The following TOPAZ1 variants were observed in gnomAD, a reference collection of about 807,000 sequenced individuals.
TOPAZ1 encodes the protein testis and ovary specific TOPAZ 1, also known as protein TOPAZ1.
In TOPAZ1, 66 loss-of-function variants were observed where a neutral mutation model predicts 172.2. The observed-to-expected ratio is 0.38, with a 90% CI of 0.31 to 0.47. The LOEUF (loss-of-function observed/expected upper bound fraction) is 0.47, where lower values mean the gene tolerates loss of function less well. Ranked by LOEUF, TOPAZ1 falls within the 20% of genes least tolerant of loss-of-function variation. TOPAZ1 has a pLI of 0.99. For synonymous variants in TOPAZ1, 681 were observed against 683.9 expected, an observed-to-expected ratio of 1.00 and a Z score of 0.07; for missense variants, 1,822 against 1,972.4, an observed-to-expected ratio of 0.92 and a Z score of 1.44.
At chr3:44,255,148 A>G (rs2125679864) in intron 3 of TOPAZ1, 119 bp downstream of exon 3, 2 of 622,548 alleles carry the variant, frequency 3.2e-6, no homozygotes, top group South Asian at 2.5e-5. Context: ...TCTGTTGACC[A>G]TATGTTTTAT....
intron 2 of TOPAZ1, among the ~76,000 whole-genome samples, chr3:44,251,702 G>A (rs1699633686): frequency 6.6e-6 from 1 of 152,096 alleles, no homozygotes; most frequent in Non-Finnish European, 1.5e-5. Flanking sequence ...AAGTGCTCTG[G>A]TAGAGAATAA....
chr3:44,256,192 T>C lies in TOPAZ1; in HGVS notation c.2869T>C (p.Leu957=). 2 of 1,530,506 alleles carry C rather than the reference T, an allele frequency of 1.3e-6. No homozygotes were observed. The highest frequency in any genetic ancestry group is 1.8e-6 in the Non-Finnish European group (2 of 1,140,528). 94.8% of individuals were successfully genotyped at this position (1,530,506 alleles called of 1,614,324 possible). A position where few individuals can be genotyped will look rare whatever the true frequency, so the allele number is the denominator to read the frequency against. ...KRDPKDVNTS[L]GEVANETSEN... ...TGATCCCAAAGATGTAAACACTTCC[T>C]TAGGAGAAGTTGCTAATGAGACCTC... The change falls in exon 4 of 20, where the codon TTA becomes CTA. Residue 957 remains leucine, a synonymous_variant. Transcript: ENST00000309765.
chr3:44,262,177 G>A lies in TOPAZ1; in HGVS notation c.2956-242G>A, dbSNP rs183568808. 4.1e-3 allele frequency among the ~76,000 whole-genome samples: 631 copies of A among 152,178 alleles called. 10 individuals carry two copies. Among genetic ancestry groups the A allele is most frequent in the African/African-American group, 0.015 (603 of 41,516 alleles). ...AATAGCAACTTGGGTAATTAAAGGG[G>A]ATATCAAAACCTGGACAAATATTTT... On this transcript the variant is annotated intron_variant, in intron 4 of 19. Coordinates refer to ENST00000309765, the MANE Select transcript of TOPAZ1 (RefSeq NM_001145030.2).
At chr3:44,298,451 C>T (rs1178715464) in intron 12 of TOPAZ1, among the ~76,000 whole-genome samples, 1 of 151,984 alleles carries the variant, frequency 6.6e-6, no homozygotes. Context: ...GATAGAGACC[C>T]TGTCTCAAAA....
chr3:44,276,557 CT>C (rs1699959649), intron 8 of TOPAZ1, among the ~76,000 whole-genome samples: 2 of 134,644 alleles, frequency 1.5e-5, no homozygotes. Flanking sequence ...CAATACCATG[CT>C]TTTTTGTTTA....
chr3:44,284,939 A>C (rs1341831590), intron 9 of TOPAZ1, among the ~76,000 whole-genome samples: 1 of 152,236 alleles, frequency 6.6e-6, no homozygotes, highest in Admixed American at 6.5e-5. Context: ...TAGATTTACC[A>C]CTGGTAATAT....
chr3:44,263,555 G>A (rs1229438563), intron 5 of TOPAZ1, among the ~76,000 whole-genome samples: 1 of 152,146 alleles, frequency 6.6e-6, no homozygotes, highest in Non-Finnish European at 1.5e-5. Flanking sequence ...TACATAGTAA[G>A]TGACATCCCA....
intron 4 of TOPAZ1, among the ~76,000 whole-genome samples, chr3:44,257,664 T>G (rs1302892135): frequency 6.6e-6 from 1 of 151,862 alleles, no homozygotes; most frequent in African/African-American, 2.4e-5. Flanking sequence ...GAAATAGAGA[T>G]TCACAGGAAG....
chr3:44,315,073 A>C (rs1263413842), intron 16 of TOPAZ1, among the ~76,000 whole-genome samples: 1 of 151,964 alleles, frequency 6.6e-6, no homozygotes, highest in Non-Finnish European at 1.5e-5. Flanking sequence ...GGTACCTGGC[A>C]CAGAGTAAAT....
rs1423443512 is a variant in TOPAZ1, at chr3:44,321,037, G to T, written c.4317G>T (p.Trp1439Cys). Residue 1439 changes from tryptophan (W) to cysteine (C), a missense_variant, in exon 17 of 20, where the codon TGG becomes TGT. By Grantham distance (215) the Trp-to-Cys change is radical. Coordinates refer to ENST00000309765, the MANE Select transcript of TOPAZ1 (RefSeq NM_001145030.2). The part of the protein sequence containing the change: ...GAIWVMRESE[W>C]IINTPLWPCD... ...TTTTCTTTTTGGAAGAGTCAGAGTGGATAATCAATACGCCTCTGTGGCCTT... is the reference window on the plus strand; with the variant it reads ...TTTTCTTTTTGGAAGAGTCAGAGTGTATAATCAATACGCCTCTGTGGCCTT... 1 of 1,546,166 alleles carries T rather than the reference G, an allele frequency of 6.5e-7. No individual in the cohort carries two copies.
intron 17 of TOPAZ1, among the ~76,000 whole-genome samples, 158 bp downstream of exon 17, chr3:44,321,349 A>G (rs1044933567): frequency 6.6e-6 from 1 of 152,220 alleles, no homozygotes; most frequent in Non-Finnish European, 1.5e-5. Flanking sequence ...CAAATTGAAT[A>G]TACTTTCCTG....
rs368959657 is a variant in TOPAZ1 at position 44,311,133 on chromosome 3, ATATT to A, written c.4306+1144_4306+1147del. ...CACACAAACACTAGCACATATATAT[ATATT>A]CATATACATGTGATTCATATATGGG... On this transcript the variant is annotated intron_variant, in intron 16 of 19. Coordinates refer to ENST00000309765, the MANE Select transcript of TOPAZ1 (RefSeq NM_001145030.2). Among the ~76,000 whole-genome samples the A allele has an allele frequency of 1.6e-4, 25 of 152,246 alleles. No individual in the cohort carries two copies. In the East Asian group the frequency reaches 4.1e-3, roughly 25 times the overall value.
intron 13 of TOPAZ1, 113 bp downstream of exon 13, chr3:44,304,194 A>C (rs73088474): frequency 0.015 from 8,301 of 567,942 alleles, 106 homozygotes; most frequent in Non-Finnish European, 0.016. Context: ...TGTGGCTGTT[A>C]TACAGAGAAA....
At chr3:44,300,210 A>G (rs1575727629) in intron 12 of TOPAZ1, among the ~76,000 whole-genome samples, 2 of 152,118 alleles carry the variant, frequency 1.3e-5, no homozygotes, top group African/African-American at 2.4e-5. Flanking sequence ...AGGTGGGCAG[A>G]TCACTTGAGG....
intron 6 of TOPAZ1, among the ~76,000 whole-genome samples, chr3:44,268,510 A>G (rs892498276): frequency 6.6e-6 from 1 of 150,572 alleles, no homozygotes; most frequent in Middle Eastern, 3.5e-3. Flanking sequence ...AGTAGCTGGG[A>G]TTACAGGCAC....
chr3:44,331,670 T>C (rs896093505), intron 19 of TOPAZ1, 122 bp from the exon 20 acceptor site: 7 of 861,648 alleles, frequency 8.1e-6, no homozygotes, highest in Non-Finnish European at 1.1e-5. Flanking sequence ...AAAGCCACTT[T>C]TAGAAGAACA....
intron 19 of TOPAZ1, 49 bp downstream of exon 19, chr3:44,328,482 C>T (rs566240148): frequency 9.9e-7 from 1 of 1,014,400 alleles, no homozygotes; most frequent in Non-Finnish European, 1.4e-6. Context: ...TCATGACTCC[C>T]CACACCCACC....
At chr3:44,305,444 ACC>A (rs1700325848) in intron 14 of TOPAZ1, 123 bp downstream of exon 14, 2 of 753,802 alleles carry the variant, frequency 2.7e-6, no homozygotes, top group African/African-American at 3.7e-5. Context: ...GTCATAGCTC[ACC>A]GCAGCCTCGA....
chr3:44,303,561 G>A (rs1700301268), intron 12 of TOPAZ1, among the ~76,000 whole-genome samples: 1 of 144,712 alleles, frequency 6.9e-6, no homozygotes. Context: ...ATCAATGTTA[G>A]CTCTTTCTGC....
Sources: allele counts gnomAD v4.1 joint callset (sites outside exome capture counted in the v4.1 genomes callset), GRCh38; gene constraint gnomAD v4.1.1; transcripts MANE v1.5; gene names NCBI Gene and HGNC (gene_info 2026-07-23, HGNC 2026-07-21).